Variants in RASA3 observed in about 807,000 individuals in gnomAD.
The protein encoded by RASA3 is ras GTPase-activating protein 3.
A neutral mutation model predicts 110.0 loss-of-function variants in RASA3; 73 were observed. That is an observed-to-expected ratio of 0.66 (90% CI 0.55 to 0.81). The LOEUF (loss-of-function observed/expected upper bound fraction) is 0.81. RASA3 is among the 30% of genes least tolerant of loss of function. The probability of loss-of-function intolerance (pLI) is 0.00; values close to 1 mark genes in which losing one functional copy is unlikely to be tolerated. For synonymous variants in RASA3, 500 were observed against 451.4 expected (o/e 1.11, Z -1.37); for missense variants, 976 against 1,113.2 (o/e 0.88, Z 1.75).
chr13:114,063,245 C>T (rs1442219896), intron 2 of RASA3, among the ~76,000 whole-genome samples: 2 of 151,486 alleles, frequency 1.3e-5, no homozygotes, highest in Non-Finnish European at 1.5e-5. Flanking sequence ...AATTAACATT[C>T]CAGGAAACAT....
chr13:114,045,523 C>A (rs894143243), intron 3 of RASA3, among the ~76,000 whole-genome samples: 1 of 152,112 alleles, frequency 6.6e-6, no homozygotes, highest in Non-Finnish European at 1.5e-5. Flanking sequence ...CTGAAATGCG[C>A]GCGCCTCCCT....
intron 4 of RASA3, among the ~76,000 whole-genome samples, chr13:114,039,111 C>G (rs900730715): frequency 5.9e-5 from 9 of 152,250 alleles, no homozygotes; most frequent in African/African-American, 2.2e-4. Context: ...GAGCTGGCTC[C>G]GAGCCTGGCG....
chr13:113,992,869 G>A (rs540063340), intron 21 of RASA3, among the ~76,000 whole-genome samples: 23 of 152,326 alleles, frequency 1.5e-4, no homozygotes, highest in African/African-American at 4.6e-4. Flanking sequence ...ATTTGGACAC[G>A]TGGCAAAAGA....
chr13:114,054,218 C>T (rs191626329), intron 2 of RASA3, among the ~76,000 whole-genome samples: 3 of 152,204 alleles, frequency 2.0e-5, no homozygotes, highest in Admixed American at 1.3e-4. Flanking sequence ...GACTTATATA[C>T]AGAATATATA....
At position 114,041,053 on chromosome 13, in the gene RASA3, T is replaced by G; in HGVS notation, c.319A>C (p.Asn107His). Residue 107 changes from asparagine (N) to histidine (H), a missense_variant, in exon 4 of 24, where the codon AAC (asparagine) becomes CAC (histidine). Physicochemically the swap from Asn to His is moderately conservative, Grantham distance 68 (BLOSUM62 1). Around this residue, in one of 4 missense-constraint regions of RASA3, gnomAD observed 732 missense variants for 779.7 expected, o/e 0.94. Coordinates refer to ENST00000334062, the MANE Select transcript of RASA3 (RefSeq NM_007368.4). The stretch of plus-strand genomic sequence containing the variant: ...TGCAGCTGGAACCAGGTGTCCCTGT[T>G]GTGGTACTTCTGCAAGTCCTCCTTC... ...IQKEDLQKYH[N>H]RDTWFQLQHV... 1 of 1,613,850 alleles carries G rather than the reference T, an allele frequency of 6.2e-7. No individual in the cohort carries two copies. Among genetic ancestry groups the G allele is most frequent in the Non-Finnish European group, 8.5e-7 (1 of 1,180,024 alleles).
chr13:114,011,543 T>C lies in RASA3; in HGVS notation c.1513-295A>G, dbSNP rs746401835. On this transcript the variant is annotated intron_variant, in intron 15 of 23. Coordinates refer to ENST00000334062, the MANE Select transcript of RASA3 (RefSeq NM_007368.4). The surrounding 1 kb of genome is among the most constrained non-coding windows in gnomAD (Gnocchi z 4.8). ...CGAAAGCATCAGGTGGGGTCATGGC[T>C]CTGGGGCGCTGAGTCTCGGGGTGCT... is the stretch of plus-strand genomic sequence containing the variant. Among the ~76,000 whole-genome samples the C allele has an allele frequency of 7.2e-5, 11 of 151,982 alleles. No homozygotes were observed. Among genetic ancestry groups the C allele is most frequent in the Non-Finnish European group, 1.2e-4 (8 of 67,978 alleles).
At chr13:114,101,766 G>T (rs74116475) in intron 1 of RASA3, among the ~76,000 whole-genome samples, 2 of 152,202 alleles carry the variant, frequency 1.3e-5, no homozygotes, top group Non-Finnish European at 2.9e-5. Context: ...GGGTCCTGGG[G>T]GTGAGAGGCT....
At chr13:113,981,929 C>G in intron 22 of RASA3, 71 bp from the exon 23 acceptor site, 4 of 1,443,546 alleles carry the variant, frequency 2.8e-6, no homozygotes, top group Non-Finnish European at 2.8e-6. Flanking sequence ...ACAGCTGCGT[C>G]GCTGCAGGCC....
intron 1 of RASA3, 57 bp downstream of exon 1, chr13:114,132,378 G>A (rs2080533661): frequency 7.0e-7 from 1 of 1,436,494 alleles, no homozygotes; most frequent in Non-Finnish European, 9.1e-7. Flanking sequence ...AGGCGGGCGC[G>A]GGAGAGGACA....
chr13:113,989,058 TCA>T (rs1566443706), intron 22 of RASA3, among the ~76,000 whole-genome samples: 1 of 132,720 alleles, frequency 7.5e-6, no homozygotes, highest in African/African-American at 2.9e-5. Context: ...CATCTGTCCA[TCA>T]CCATCACTCA....
intron 1 of RASA3, among the ~76,000 whole-genome samples, chr13:114,127,763 T>A (rs1251651855): frequency 6.6e-6 from 1 of 151,790 alleles, no homozygotes; most frequent in Non-Finnish European, 1.5e-5. Context: ...GAAAAAAAAA[T>A]TAATGGACAA....
At chr13:114,035,252 G>A (rs2054257827) in intron 4 of RASA3, among the ~76,000 whole-genome samples, 1 of 152,230 alleles carries the variant, frequency 6.6e-6, no homozygotes, top group Non-Finnish European at 1.5e-5. Context: ...GAGCAAAAGG[G>A]AAAAGGCACA....
At chr13:114,047,585 C>T (rs1346641914) in intron 3 of RASA3, among the ~76,000 whole-genome samples, 1 of 152,250 alleles carries the variant, frequency 6.6e-6, no homozygotes, top group African/African-American at 2.4e-5. Context: ...ACATTGTCCA[C>T]ACAAAGACCT....
intron 2 of RASA3, among the ~76,000 whole-genome samples, chr13:114,061,071 TCC>T (rs2079336914): frequency 6.6e-6 from 1 of 151,986 alleles, no homozygotes; most frequent in Non-Finnish European, 1.5e-5. Context: ...CATTTCTTCT[TCC>T]CGAGACCTCG....
chr13:113,981,613 C>T (rs2052935982), intron 23 of RASA3, 62 bp downstream of exon 23: 1 of 1,557,590 alleles, frequency 6.4e-7, no homozygotes, highest in African/African-American at 1.3e-5. Context: ...CAGCCCCACC[C>T]CCACTGCAAT....
chr13:114,120,637 G>C (rs1470770682), intron 1 of RASA3, among the ~76,000 whole-genome samples: 1 of 152,228 alleles, frequency 6.6e-6, no homozygotes, highest in Admixed American at 6.5e-5. Context: ...CATCAATGCC[G>C]TTCAAGGGGT....
At chr13:114,104,223 G>A (rs113589661) in intron 1 of RASA3, among the ~76,000 whole-genome samples, 3 of 43,580 alleles carry the variant, frequency 6.9e-5, no homozygotes, top group East Asian at 1.0e-3. Context: ...CCACGGCCAC[G>A]GACACCCACC....
intron 18 of RASA3, among the ~76,000 whole-genome samples, chr13:114,003,850 C>G (rs1442103294): frequency 6.6e-6 from 1 of 152,168 alleles, no homozygotes; most frequent in Non-Finnish European, 1.5e-5. Flanking sequence ...GGACAGGACA[C>G]GACAACAGGA....
At position 113,996,663 on chromosome 13, in the gene RASA3, T is replaced by G; in HGVS notation, c.2009A>C (p.Asp670Ala). ...NNCVEAKDWI[D>A]ILTKVSQCNQ... ...GCACTGGCTCACTTTGGTGAGAATGTCGATCCAGTCCTTGGCCTCCACGCA... is the reference window on the plus strand; with the variant it reads ...GCACTGGCTCACTTTGGTGAGAATGGCGATCCAGTCCTTGGCCTCCACGCA... The change falls in exon 21 of 24, where the codon GAC becomes GCC. Residue 670 changes from aspartate (D) to alanine (A), a missense_variant. Coordinates refer to ENST00000334062, the MANE Select transcript of RASA3 (RefSeq NM_007368.4). The G allele has an allele frequency of 6.2e-7, 1 of 1,613,796 alleles. No individual in the cohort carries two copies.
Sources: gnomAD v4.1 joint callset for allele counts (sites outside exome capture counted in the v4.1 genomes callset) on GRCh38, gnomAD v4.1.1 for gene constraint, gnomAD v4.1.1 regional missense constraint, Gnocchi (gnomAD v3.1) non-coding constraint, MANE v1.5 for transcripts, NCBI Gene and HGNC (gene_info 2026-07-23, HGNC 2026-07-21) for gene names.